TAF4: variants seen among roughly 807,000 people sequenced by gnomAD.
The protein encoded by TAF4 is TATA-box binding protein associated factor 4.
TAF4 carries 9 observed loss-of-function variants against 90.3 expected under a neutral mutation model. The observed-to-expected ratio is 0.10, with a 90% CI of 0.06 to 0.17. The LOEUF is 0.17. Among genes scored for constraint, TAF4 ranks in the 10% least tolerant of loss-of-function variants. TAF4 has a pLI of 1.00. For synonymous variants in TAF4, 818 were observed against 638.9 expected (o/e 1.28, Z -4.23); for missense variants, 1,351 against 1,370.7 (o/e 0.99, Z 0.23).
chr20:62,059,416 C>G lies in TAF4; in HGVS notation c.1360+5035G>C, dbSNP rs1012665390. Among the ~76,000 whole-genome samples, 3 of 152,274 alleles carry G rather than the reference C, an allele frequency of 2.0e-5. No individual in the cohort carries two copies. In the South Asian group the frequency reaches 6.2e-4, roughly 32 times the overall value. ...GTCCAACCATGGAAATATTAAGCAC[C>G]CCATTTTCGAACATAACTTGACAGC... On this transcript the variant is annotated intron_variant, in intron 1 of 14. Coordinates refer to ENST00000252996, the MANE Select transcript of TAF4 (RefSeq NM_003185.4).
At position 62,006,725 on chromosome 20, in the gene TAF4, C is replaced by T. The variant is rs1332406810; in HGVS notation, c.2008G>A (p.Asp670Asn). The T allele has an allele frequency of 2.6e-6, 4 of 1,551,784 alleles. No homozygotes were observed. Among genetic ancestry groups the T allele is most frequent in the Admixed American group, 1.8e-5 (1 of 54,532 alleles). ...CTCTGCTGGATGAAGGCCGCGGAGT[C>T]GGGGGTCAGCTGTCTCAAGGCGGGT... The part of the protein sequence containing the change: ...SLPALRQLTP[D>N]SAAFIQQSQQ... The change falls in exon 7 of 15, where the codon GAC (aspartate) becomes AAC (asparagine). Residue 670 changes from aspartate (D) to asparagine (N), a missense_variant. This residue lies in a region of TAF4 where 202 missense variants were observed against 229.7 expected (regional missense o/e 0.88). Coordinates refer to ENST00000252996, the MANE Select transcript of TAF4 (RefSeq NM_003185.4). The surrounding 1 kb of genome is among the most constrained non-coding windows in gnomAD (Gnocchi z 7.0).
At chr20:62,031,229 G>T (rs949123829) in intron 1 of TAF4, among the ~76,000 whole-genome samples, 1 of 152,152 alleles carries the variant, frequency 6.6e-6, no homozygotes, top group Non-Finnish European at 1.5e-5. Flanking sequence ...TGGGTCCAAG[G>T]TCGGAACGTG....
intron 1 of TAF4, among the ~76,000 whole-genome samples, chr20:62,021,498 G>A (rs1380079045): frequency 3.3e-5 from 5 of 152,234 alleles, no homozygotes; most frequent in South Asian, 2.1e-4. Flanking sequence ...CACTTGGCTC[G>A]ACTCAAACAG....
chr20:62,010,840 A>G lies in TAF4; in HGVS notation c.1642-675T>C, dbSNP rs2055774076. Among the ~76,000 whole-genome samples the G allele has an allele frequency of 6.6e-6, 1 of 152,230 alleles. No homozygotes were observed. Among genetic ancestry groups the G allele is most frequent in the Non-Finnish European group, 1.5e-5 (1 of 68,036 alleles). On this transcript the variant is annotated intron_variant, in intron 3 of 14. Transcript: ENST00000252996. This position sits in a 1 kb window ranked among gnomAD's most constrained non-coding sequence, Gnocchi z 4.5. ...CAGACGCCAAAAGGTAGCTCAGACA[A>G]CTCAGTGGCCTGTACTCGATTCCTA...
intron 6 of TAF4, among the ~76,000 whole-genome samples, 190 bp downstream of exon 6, chr20:62,007,357 G>C (rs909605051): frequency 6.6e-5 from 10 of 152,286 alleles, no homozygotes; most frequent in African/African-American, 1.9e-4. Flanking sequence ...TGTCAGGGGA[G>C]CTCCTGCTTT....
Position 62,009,158 on chromosome 20 carries a change from A to G in TAF4, c.1778T>C (p.Val593Ala). 6.2e-7 allele frequency: 1 copy of G among 1,610,962 alleles called. No individual in the cohort carries two copies. The highest frequency in any genetic ancestry group is 8.5e-7 in the Non-Finnish European group (1 of 1,179,024). ...AGATAGGAAATTTTTACATTTCTTC[A>G]CGTTTTCCATAGTTTCCTGGATTAA... ...SSAATETMEN[V>A]KKCKNFLSTL... Residue 593 changes from valine to alanine, a missense_variant, in exon 5 of 15, where the codon GTG (valine) becomes GCG (alanine). Physicochemically the swap from Val to Ala is moderately conservative, Grantham distance 64. This residue lies in a region of TAF4 where 44 missense variants were observed against 97.4 expected (regional missense o/e 0.45). Coordinates refer to ENST00000252996, the MANE Select transcript of TAF4 (RefSeq NM_003185.4).
chr20:62,015,821 C>A (rs561514786), intron 1 of TAF4, among the ~76,000 whole-genome samples: 2 of 152,326 alleles, frequency 1.3e-5, no homozygotes, highest in Admixed American at 1.3e-4. Flanking sequence ...GCTGTCGGCT[C>A]CAGCTCTTTC....
rs138514105 is a variant in TAF4 at position 62,049,959 on chromosome 20, G to A, written c.1360+14492C>T. On this transcript the variant is annotated intron_variant, in intron 1 of 14. Transcript: ENST00000252996. ...CTGCTGCAGAAACCCAACCTGTCACGGAGCACACAGCAGCCCCACGGAGCA... is the reference window on the plus strand; with the variant it reads ...CTGCTGCAGAAACCCAACCTGTCACAGAGCACACAGCAGCCCCACGGAGCA... 8.8e-3 allele frequency among the ~76,000 whole-genome samples: 1,338 copies of A among 152,084 alleles called. 24 individuals are homozygous for A. Among genetic ancestry groups the A allele is most frequent in the African/African-American group, 0.031 (1,266 of 41,488 alleles).
chr20:62,046,517 C>T (rs952296940), intron 1 of TAF4, among the ~76,000 whole-genome samples: 1 of 152,252 alleles, frequency 6.6e-6, no homozygotes, highest in African/African-American at 2.4e-5. Context: ...TGTATTGCTG[C>T]ATGTGTCGTG....
intron 1 of TAF4, among the ~76,000 whole-genome samples, chr20:62,062,844 G>C (rs1452870753): frequency 6.6e-6 from 1 of 152,162 alleles, no homozygotes; most frequent in East Asian, 1.9e-4. Flanking sequence ...AGCCCCACAA[G>C]ACAGAGTCCA....
At chr20:61,977,165 G>A (rs1248348398) in intron 14 of TAF4, among the ~76,000 whole-genome samples, 14 of 142,994 alleles carry the variant, frequency 9.8e-5, no homozygotes, top group East Asian at 4.2e-4. Context: ...ACCGCCCAGC[G>A]GGGCACGAGC....
intron 1 of TAF4, among the ~76,000 whole-genome samples, chr20:62,040,711 C>A (rs796564757): frequency 7.2e-5 from 11 of 152,350 alleles, no homozygotes; most frequent in African/African-American, 2.4e-4. Flanking sequence ...CAAGATCTCA[C>A]GGCAGCAGCA....
At chr20:62,054,037 G>A (rs575467898) in intron 1 of TAF4, among the ~76,000 whole-genome samples, 13 of 152,196 alleles carry the variant, frequency 8.5e-5, no homozygotes, top group Non-Finnish European at 1.6e-4. Flanking sequence ...TAGGATCGTC[G>A]GGTGAGGCCA....
chr20:62,036,033 T>TAA (rs1568938516), intron 1 of TAF4, among the ~76,000 whole-genome samples: 1 of 149,576 alleles, frequency 6.7e-6, no homozygotes, highest in East Asian at 1.9e-4. Flanking sequence ...CTTTTTTTTT[T>TAA]TAAAAAAAAA....
chr20:62,007,490 T>C (rs2055753821), intron 6 of TAF4, 57 bp downstream of exon 6: 1 of 1,544,788 alleles, frequency 6.5e-7, no homozygotes, highest in South Asian at 1.1e-5. Context: ...TTGGTGCATC[T>C]GCGCCCCACC....
chr20:62,041,203 T>G (rs1472584215), intron 1 of TAF4, among the ~76,000 whole-genome samples: 5 of 152,186 alleles, frequency 3.3e-5, no homozygotes, highest in Non-Finnish European at 5.9e-5. Flanking sequence ...GCAGACCCTC[T>G]GGGGGGCTGA....
chr20:62,065,757 G>C lies in TAF4; in HGVS notation c.54C>G (p.Asp18Glu). Residue 18 changes from aspartate to glutamate, a missense_variant, in exon 1 of 15, where the codon GAC becomes GAG. Around this residue, in one of 9 missense-constraint regions of TAF4, gnomAD observed 782 missense variants for 536.6 expected, o/e 1.46. Coordinates refer to ENST00000252996, the MANE Select transcript of TAF4 (RefSeq NM_003185.4). ...LDEVFFNSEVDEKVVSDLVGS... is the reference protein window; with the variant it reads ...LDEVFFNSEVEEKVVSDLVGS... ...CCACCAGGTCGCTCACCACTTTCTC[G>C]TCCACCTCGCTGTTGAAGAAGACCT... 7.4e-7 allele frequency: 1 copy of C among 1,342,698 alleles called. No homozygotes were observed. The highest frequency in any genetic ancestry group is 9.7e-7 in the Non-Finnish European group (1 of 1,029,158). 83.2% of individuals were successfully genotyped at this position (1,342,698 alleles called of 1,614,324 possible). A position where few individuals can be genotyped will look rare whatever the true frequency, so the allele number is the denominator to read the frequency against.
chr20:62,045,294 C>T (rs1276031939), intron 1 of TAF4, among the ~76,000 whole-genome samples: 1 of 152,248 alleles, frequency 6.6e-6, no homozygotes, highest in African/African-American at 2.4e-5. Context: ...GAATGTTCTT[C>T]CCTGCCCTTC....
chr20:62,062,403 T>G (rs2056094342), intron 1 of TAF4, among the ~76,000 whole-genome samples: 1 of 149,688 alleles, frequency 6.7e-6, no homozygotes, highest in Non-Finnish European at 1.5e-5. Context: ...TATTGATACT[T>G]TTTTTTTTTG....
Sources: gnomAD v4.1 joint callset for allele counts (sites outside exome capture counted in the v4.1 genomes callset) on GRCh38, gnomAD v4.1.1 for gene constraint, gnomAD v4.1.1 regional missense constraint, Gnocchi (gnomAD v3.1) non-coding constraint, MANE v1.5 for transcripts, NCBI Gene and HGNC (gene_info 2026-07-23, HGNC 2026-07-21) for gene names.